MMP26: variants seen among roughly 807,000 people sequenced by gnomAD.
MMP26 encodes the protein matrix metalloproteinase-26.
MMP26 carries 33 observed loss-of-function variants against 31.0 expected under a neutral mutation model. That is an observed-to-expected ratio of 1.06 (90% confidence interval 0.81 to 1.42). The LOEUF (loss-of-function observed/expected upper bound fraction) is 1.42. Ranked by LOEUF, MMP26 falls within the 40% of genes most tolerant of loss-of-function variation. MMP26 has a pLI of 0.00. For synonymous variants in MMP26, 122 were observed against 114.9 expected (o/e 1.06, Z -0.40); for missense variants, 347 against 316.1 (o/e 1.10, Z -0.74).
chr11:4,747,055 A>G (rs1163034752), intron 1 of MMP26, among the ~76,000 whole-genome samples: 10 of 152,178 alleles, frequency 6.6e-5, no homozygotes, highest in Admixed American at 6.5e-4. Context: ...CCTGGCAATA[A>G]GCTAGAGTAA....
chr11:4,849,097 G>C, intron 2 of MMP26: 1 of 1,614,082 alleles, frequency 6.2e-7, no homozygotes, highest in African/African-American at 1.3e-5. Context: ...GCAATGAGGG[G>C]CAATGTCCAC....
chr11:4,920,371 C>G (rs1455758178), intron 2 of MMP26, among the ~76,000 whole-genome samples: 1 of 152,106 alleles, frequency 6.6e-6, no homozygotes, highest in African/African-American at 2.4e-5. Flanking sequence ...ACTGTTTCCA[C>G]AATGCACTTC....
intron 2 of MMP26, chr11:4,848,648 G>A: frequency 6.2e-7 from 1 of 1,613,186 alleles, no homozygotes; most frequent in Non-Finnish European, 8.5e-7. Flanking sequence ...CTGGATGCAA[G>A]CAATAAGAAT....
At chr11:4,796,233 C>T (rs1375542720) in intron 2 of MMP26, among the ~76,000 whole-genome samples, 2 of 152,172 alleles carry the variant, frequency 1.3e-5, no homozygotes, top group African/African-American at 2.4e-5. Context: ...AATGCTGATT[C>T]CACTGCTTTA....
chr11:4,745,887 C>T (rs1010137665), intron 1 of MMP26, among the ~76,000 whole-genome samples: 3 of 152,120 alleles, frequency 2.0e-5, no homozygotes, highest in African/African-American at 7.2e-5. Flanking sequence ...TGTTTTTCCA[C>T]CTAGTAGTAA....
chr11:4,962,965 G>A (rs964916081), intron 2 of MMP26, among the ~76,000 whole-genome samples: 1 of 152,190 alleles, frequency 6.6e-6, no homozygotes, highest in Admixed American at 6.5e-5. Flanking sequence ...TTGCTGCTGT[G>A]TAAATGTAAG....
chr11:4,887,384 A>C (rs749784126), intron 2 of MMP26, among the ~76,000 whole-genome samples: 4 of 152,148 alleles, frequency 2.6e-5, no homozygotes, highest in African/African-American at 4.8e-5. Context: ...TATTTAGCCT[A>C]CTGACTCTTC....
chr11:4,841,278 C>A (rs1462378827), intron 2 of MMP26, among the ~76,000 whole-genome samples: 3 of 152,086 alleles, frequency 2.0e-5, no homozygotes, highest in African/African-American at 4.8e-5. Context: ...CAGAGAACAT[C>A]CCAAACCTAG....
chr11:4,772,567 A>T (rs1196593161), intron 2 of MMP26, among the ~76,000 whole-genome samples: 1 of 152,184 alleles, frequency 6.6e-6, no homozygotes, highest in Admixed American at 6.5e-5. Context: ...TTTTGCTAGT[A>T]GCTAGGGTTA....
chr11:4,905,889 T>C (rs1850880452), intron 2 of MMP26, among the ~76,000 whole-genome samples: 1 of 152,212 alleles, frequency 6.6e-6, no homozygotes. Context: ...AATCAGGTTC[T>C]GTTTATTATG....
intron 2 of MMP26, among the ~76,000 whole-genome samples, chr11:4,850,370 T>G (rs1237610474): frequency 1.3e-5 from 2 of 152,154 alleles, no homozygotes; most frequent in Admixed American, 6.5e-5. Context: ...GCAAAACCAA[T>G]AAGACACTCG....
chr11:4,763,529 T>C (rs1848593633), intron 1 of MMP26, among the ~76,000 whole-genome samples: 1 of 152,214 alleles, frequency 6.6e-6, no homozygotes, highest in Non-Finnish European at 1.5e-5. Context: ...TTGGACTTGC[T>C]GAATTTGGGG....
At chr11:4,865,449 CA>C (rs1048385677) in intron 2 of MMP26, among the ~76,000 whole-genome samples, 2 of 151,624 alleles carry the variant, frequency 1.3e-5, no homozygotes, top group Non-Finnish European at 2.9e-5. Flanking sequence ...AGATATGAAC[CA>C]AAAAAACTAT....
chr11:4,915,540 C>G (rs1319023547), intron 2 of MMP26: 1 of 1,613,938 alleles, frequency 6.2e-7, no homozygotes, highest in African/African-American at 1.3e-5. Context: ...GGGATGGAAA[C>G]CAGATACATG....
intron 2 of MMP26, among the ~76,000 whole-genome samples, chr11:4,898,643 T>G (rs1473101309): frequency 6.6e-6 from 1 of 152,170 alleles, no homozygotes; most frequent in Non-Finnish European, 1.5e-5. Flanking sequence ...TAAAAGAATA[T>G]TTTTATTGTT....
intron 2 of MMP26, among the ~76,000 whole-genome samples, chr11:4,916,861 G>A (rs1353183629): frequency 1.3e-5 from 2 of 152,156 alleles, no homozygotes; most frequent in Non-Finnish European, 2.9e-5. Flanking sequence ...CATCAACCAT[G>A]GCCACATCCC....
intron 2 of MMP26, among the ~76,000 whole-genome samples, chr11:4,776,232 T>A (rs1564907099): frequency 2.0e-5 from 3 of 152,176 alleles, no homozygotes; most frequent in African/African-American, 4.8e-5. Context: ...TCTTTGTAAT[T>A]GTGAATAGTG....
At chr11:4,783,028 C>A (rs1213053917) in intron 2 of MMP26, among the ~76,000 whole-genome samples, 1 of 152,198 alleles carries the variant, frequency 6.6e-6, no homozygotes, top group African/African-American at 2.4e-5. Context: ...TAGGGCAGTG[C>A]AGAAGGAAAA....
intron 2 of MMP26, among the ~76,000 whole-genome samples, chr11:4,851,057 C>T (rs77554180): frequency 2.8e-3 from 423 of 152,276 alleles, no homozygotes; most frequent in African/African-American, 9.8e-3. Flanking sequence ...CATCCTCTCC[C>T]CTACAAAGCA....
Sources: gnomAD v4.1 joint callset for allele counts (sites outside exome capture counted in the v4.1 genomes callset) on GRCh38, gnomAD v4.1.1 for gene constraint, MANE v1.5 for transcripts, NCBI Gene and HGNC (gene_info 2026-07-23, HGNC 2026-07-21) for gene names.